Variants in STARD4 observed in about 807,000 individuals in gnomAD.
STARD4 encodes the protein stAR-related lipid transfer protein 4.
STARD4 carries 33 observed loss-of-function variants against 24.9 expected under a neutral mutation model. The observed-to-expected ratio is 1.32, with a 90% CI of 1.00 to 1.77. The LOEUF is 1.77. Among genes scored for constraint, STARD4 ranks in the 40% most tolerant of loss-of-function variants. The pLI is 0.00. For missense variants in STARD4, 238 were observed against 249.3 expected, an observed-to-expected ratio of 0.95 and a Z score of 0.31; for synonymous variants, 88 against 77.4, an observed-to-expected ratio of 1.14 and a Z score of -0.72.
At chr5:111,500,332 C>T in intron 5 of STARD4, 1 of 1,260,252 alleles carries the variant, frequency 7.9e-7, no homozygotes, top group African/African-American at 1.5e-5. Flanking sequence ...TTTCAGAATA[C>T]ATGACATCAT....
At chr5:111,505,890 A>G (rs990326250) in intron 3 of STARD4, among the ~76,000 whole-genome samples, 27 of 151,866 alleles carry the variant, frequency 1.8e-4, no homozygotes, top group Admixed American at 2.6e-4. Flanking sequence ...CATAAGCCCA[A>G]TTTGCTTTCC....
intron 3 of STARD4, among the ~76,000 whole-genome samples, chr5:111,503,685 T>C (rs1349201534): frequency 2.0e-5 from 3 of 152,042 alleles, no homozygotes; most frequent in Non-Finnish European, 4.4e-5. Flanking sequence ...GAGAAAAATA[T>C]ACAAGATACC....
chr5:111,503,947 G>T (rs1326222938), intron 3 of STARD4, among the ~76,000 whole-genome samples: 1 of 152,118 alleles, frequency 6.6e-6, no homozygotes, highest in East Asian at 1.9e-4. Flanking sequence ...GATGTGCAAA[G>T]GACATGGTAA....
intron 1 of STARD4, among the ~76,000 whole-genome samples, chr5:111,512,007 G>A (rs1757327792): frequency 6.6e-6 from 1 of 152,164 alleles, no homozygotes; most frequent in Non-Finnish European, 1.5e-5. Flanking sequence ...CAGGAAGCGC[G>A]GTGACCTCCA....
rs1439333057 is a variant in STARD4, at chr5:111,498,067, AAT to A, written c.*1817_*1818del. ...ATACTTAAAAGTGGGTAAATTACAT[AAT>A]ATGTAAATTATATATCAATAAAGCT... On this transcript the variant is annotated 3_prime_UTR_variant, in exon 6 of 6. Coordinates refer to ENST00000296632, the MANE Select transcript of STARD4 (RefSeq NM_139164.3). 1 of 152,100 alleles carries A rather than the reference AAT, an allele frequency of 6.6e-6. No homozygotes were observed. Among genetic ancestry groups the A allele is most frequent in the Non-Finnish European group, 1.5e-5 (1 of 67,954 alleles). The allele number at this position is 152,100 out of a possible 1,614,324, so 9.4% of individuals were successfully genotyped here. A position where few individuals can be genotyped will look rare whatever the true frequency, so the allele number is the denominator to read the frequency against.
rs1385602219 is a variant in STARD4, at chr5:111,498,155, C to A, written c.*1731G>T. 6.6e-6 allele frequency: 1 copy of A among 151,878 alleles called. No homozygotes were observed. The highest frequency in any genetic ancestry group is 1.5e-5 in the Non-Finnish European group (1 of 67,916). 9.4% of individuals were successfully genotyped at this position (151,878 alleles called of 1,614,324 possible). On this transcript the variant is annotated 3_prime_UTR_variant, in exon 6 of 6. Transcript: ENST00000296632. The stretch of plus-strand genomic sequence containing the variant: ...GCAGATCTAAGGGGCCATCTAGAAG[C>A]TGCACATACATTTTAGGTGATTCAA...
chr5:111,510,981 T>C (rs189606669), intron 1 of STARD4, among the ~76,000 whole-genome samples: 1 of 152,372 alleles, frequency 6.6e-6, no homozygotes, highest in East Asian at 1.9e-4. Flanking sequence ...TTGATTAATA[T>C]GGTTTTCACT....
Position 111,507,300 on chromosome 5 carries a change from C to G in STARD4, c.105+29G>C, listed in dbSNP as rs769862695. ...CCAATTCATTAGATAGAAGATATAC[C>G]CCAAATATAAGTAATTGAACTAATT... is the stretch of plus-strand genomic sequence containing the variant. On this transcript the variant is annotated intron_variant, in intron 2 of 5. Coordinates refer to ENST00000296632, the MANE Select transcript of STARD4 (RefSeq NM_139164.3). The surrounding 1 kb of genome is among the most constrained non-coding windows in gnomAD (Gnocchi z 4.4). 1 of 1,567,410 alleles carries G rather than the reference C, an allele frequency of 6.4e-7. No homozygotes were observed. The highest frequency in any genetic ancestry group is 8.7e-7 in the Non-Finnish European group (1 of 1,144,416).
intron 5 of STARD4, chr5:111,500,453 A>ATT (rs1458266771): frequency 2.1e-5 from 22 of 1,059,742 alleles, no homozygotes; most frequent in Non-Finnish European, 2.4e-5. Context: ...CGACTACCAT[A>ATT]TTATAGTTTG....
intron 1 of STARD4, among the ~76,000 whole-genome samples, chr5:111,509,318 CAG>C (rs918271234): frequency 2.0e-5 from 3 of 152,032 alleles, no homozygotes; most frequent in African/African-American, 4.8e-5. Flanking sequence ...AAAGGTGAAA[CAG>C]AAAGTTATTA....
intron 3 of STARD4, 200 bp downstream of exon 3, chr5:111,506,130 G>T (rs1034319486): frequency 5.9e-5 from 17 of 286,576 alleles, no homozygotes; most frequent in Non-Finnish European, 9.8e-5. Flanking sequence ...GGAGGCAGAG[G>T]TTGCAGCGAG....
intron 3 of STARD4, among the ~76,000 whole-genome samples, chr5:111,503,107 A>G (rs2112551734): frequency 6.6e-6 from 1 of 152,298 alleles, no homozygotes; most frequent in Admixed American, 6.5e-5. Context: ...ACTTTTTATT[A>G]GGAACAGAGA....
rs1350168714 is a variant in STARD4 at position 111,507,425 on chromosome 5, G to T, written c.9C>A (p.Gly3=). Residue 3 remains glycine, a synonymous_variant, in exon 2 of 6, where the codon GGC becomes GGA. Transcript: ENST00000296632. This position sits in a 1 kb window ranked among gnomAD's most constrained non-coding sequence, Gnocchi z 4.4. ...TTGCAAAAGAAGCAACATCAGACAG[G>T]CCTTCCATTACTTCTCTCTGTTATG... ME[G]LSDVASFATK... 8 of 1,613,236 alleles carry T rather than the reference G, an allele frequency of 5.0e-6. No individual in the cohort carries two copies. The highest frequency in any genetic ancestry group is 6.8e-6 in the Non-Finnish European group (8 of 1,179,624).
At chr5:111,500,969 C>T in intron 5 of STARD4, 33 bp downstream of exon 5, 1 of 1,613,310 alleles carries the variant, frequency 6.2e-7, no homozygotes, top group Non-Finnish European at 8.5e-7. Flanking sequence ...TTAAACCATA[C>T]TGAAAAAAAG....
intron 1 of STARD4, chr5:111,512,137 G>T (rs1185098617): frequency 6.6e-6 from 1 of 152,296 alleles, no homozygotes; most frequent in Non-Finnish European, 1.5e-5. Flanking sequence ...GCGCAGGGGC[G>T]AGTTGCAAGC....
At chr5:111,505,117 G>A (rs762394112) in intron 3 of STARD4, 2 of 435,646 alleles carry the variant, frequency 4.6e-6, no homozygotes, top group Non-Finnish European at 9.1e-6. Context: ...CCTAGAACAT[G>A]AACTCTTTCA....
chr5:111,509,932 G>A (rs1450705066), intron 1 of STARD4, among the ~76,000 whole-genome samples: 1 of 152,092 alleles, frequency 6.6e-6, no homozygotes, highest in Non-Finnish European at 1.5e-5. Context: ...TACAGAAACA[G>A]ATGGAATTCA....
At chr5:111,503,294 A>T (rs1359456550) in intron 3 of STARD4, among the ~76,000 whole-genome samples, 2 of 152,190 alleles carry the variant, frequency 1.3e-5, no homozygotes, top group African/African-American at 2.4e-5. Context: ...TATTTCTACC[A>T]CTCATAATAA....
Position 111,507,244 on chromosome 5 carries a change from T to C in STARD4, c.105+85A>G, listed in dbSNP as rs1756927599. ...CCATCCAAAGTATGGTCTTTGTCCA[T>C]ATTGTTCCATTTAATTTTAAAAGTC... is the stretch of plus-strand genomic sequence containing the variant. On this transcript the variant is annotated intron_variant, in intron 2 of 5. Transcript: ENST00000296632. The surrounding 1 kb of genome is among the most constrained non-coding windows in gnomAD (Gnocchi z 4.4). 9.0e-7 allele frequency: 1 copy of C among 1,111,480 alleles called. No homozygotes were observed. The highest frequency in any genetic ancestry group is 2.1e-5 in the Admixed American group (1 of 48,528). The allele number at this position is 1,111,480 out of a possible 1,614,324, so 68.9% of individuals were successfully genotyped here.
Sources: allele counts gnomAD v4.1 joint callset (sites outside exome capture counted in the v4.1 genomes callset), GRCh38; gene constraint gnomAD v4.1.1; non-coding constraint Gnocchi (gnomAD v3.1); transcripts MANE v1.5; gene names NCBI Gene and HGNC (gene_info 2026-07-23, HGNC 2026-07-21).